Variants in PEBP4 observed in about 807,000 individuals in gnomAD.
The protein encoded by PEBP4 is phosphatidylethanolamine binding protein 4.
PEBP4 carries 22 observed loss-of-function variants against 23.9 expected under a neutral mutation model. The ratio of observed to expected loss-of-function variants is 0.92; its 90% CI spans 0.66 to 1.31. The LOEUF is 1.31. Ranked by LOEUF, PEBP4 falls within the 40% of genes most tolerant of loss-of-function variation. The pLI is 0.00. For synonymous variants in PEBP4, 112 were observed against 99.3 expected, an observed-to-expected ratio of 1.13 and a Z score of -0.76; for missense variants, 324 against 281.7, an observed-to-expected ratio of 1.15 and a Z score of -1.07.
chr8:22,878,940 TA>T (rs34052200), intron 3 of PEBP4, among the ~76,000 whole-genome samples: 1 of 152,310 alleles, frequency 6.6e-6, no homozygotes, highest in South Asian at 2.1e-4. Flanking sequence ...GGGGATGAGC[TA>T]AAAATTATAG....
At chr8:22,855,249 C>T (rs796548221) in intron 3 of PEBP4, among the ~76,000 whole-genome samples, 60 of 152,226 alleles carry the variant, frequency 3.9e-4, no homozygotes, top group African/African-American at 1.3e-3. Context: ...GTGAATGTGT[C>T]GGTGCACGGG....
intron 4 of PEBP4, among the ~76,000 whole-genome samples, chr8:22,778,605 G>A (rs989804338): frequency 6.6e-6 from 1 of 152,152 alleles, no homozygotes; most frequent in Admixed American, 6.5e-5. Flanking sequence ...TCCCTCGCCT[G>A]TGATCCGGGG....
intron 4 of PEBP4, among the ~76,000 whole-genome samples, chr8:22,732,610 C>G (rs1804761986): frequency 6.6e-6 from 1 of 150,470 alleles, no homozygotes; most frequent in Non-Finnish European, 1.5e-5. Context: ...GTAGTCACTC[C>G]TTTTTCCTAG....
chr8:22,725,479 G>C (rs1424186924), intron 5 of PEBP4, among the ~76,000 whole-genome samples: 1 of 152,044 alleles, frequency 6.6e-6, no homozygotes, highest in East Asian at 1.9e-4. Context: ...CATGGGAGCT[G>C]TAGGAGCTGG....
chr8:22,854,973 A>C (rs1807611220), intron 3 of PEBP4, among the ~76,000 whole-genome samples: 1 of 140,220 alleles, frequency 7.1e-6, no homozygotes. Context: ...AGCTTGTCCA[A>C]ATGAGTGTGT....
intron 4 of PEBP4, among the ~76,000 whole-genome samples, chr8:22,735,157 G>T (rs574334504): frequency 2.1e-4 from 32 of 152,310 alleles, no homozygotes; most frequent in Admixed American, 1.1e-3. Flanking sequence ...TAAGACACAG[G>T]TCATGGTATA....
intron 4 of PEBP4, among the ~76,000 whole-genome samples, chr8:22,807,992 C>T (rs1346266000): frequency 1.3e-5 from 2 of 152,022 alleles, no homozygotes; most frequent in Admixed American, 1.3e-4. Context: ...TAACCAATGT[C>T]TATCCATTCA....
chr8:22,750,201 A>G (rs1258983922), intron 4 of PEBP4, among the ~76,000 whole-genome samples: 1 of 151,912 alleles, frequency 6.6e-6, no homozygotes, highest in Non-Finnish European at 1.5e-5. Flanking sequence ...TCGCGGGTTC[A>G]AGCAATTCTC....
Position 22,865,422 on chromosome 8 carries a change from C to A in PEBP4, c.259-47687G>T, listed in dbSNP as rs1807870048. Among the ~76,000 whole-genome samples the A allele has an allele frequency of 6.6e-6, 1 of 151,916 alleles. No individual in the cohort carries two copies. ...CGGGCCTGGCTGCGCGCTCCACCTG[C>A]GCCTCCAGGGCGTTGGGCGGGGGCC... On this transcript the variant is annotated intron_variant, in intron 3 of 6. Coordinates refer to ENST00000256404, the MANE Select transcript of PEBP4 (RefSeq NM_144962.3). This position sits in a 1 kb window ranked among gnomAD's most constrained non-coding sequence, Gnocchi z 6.9.
chr8:22,904,275 T>A (rs1291366264), intron 3 of PEBP4, among the ~76,000 whole-genome samples: 1 of 152,140 alleles, frequency 6.6e-6, no homozygotes, highest in Non-Finnish European at 1.5e-5. Context: ...GGAGCCAGGA[T>A]AAGGCTGAGG....
chr8:22,786,132 A>G (rs758906997), intron 4 of PEBP4, among the ~76,000 whole-genome samples: 1 of 152,204 alleles, frequency 6.6e-6, no homozygotes, highest in African/African-American at 2.4e-5. Flanking sequence ...GTCTCCCAGC[A>G]ATAGAAACAC....
intron 4 of PEBP4, among the ~76,000 whole-genome samples, chr8:22,788,449 G>C (rs1806072046): frequency 6.6e-6 from 1 of 152,222 alleles, no homozygotes; most frequent in Non-Finnish European, 1.5e-5. Context: ...GAAGCCCTGA[G>C]TTATGGCAGT....
intron 4 of PEBP4, among the ~76,000 whole-genome samples, chr8:22,763,976 G>A (rs1805561211): frequency 6.6e-6 from 1 of 152,222 alleles, no homozygotes. Flanking sequence ...AGAAGGACGT[G>A]TAATTTGTCT....
chr8:22,802,983 A>G (rs939997648), intron 4 of PEBP4, among the ~76,000 whole-genome samples: 2 of 152,152 alleles, frequency 1.3e-5, no homozygotes, highest in East Asian at 3.9e-4. Flanking sequence ...CCCAGCATAC[A>G]TGTCTTCCCC....
At chr8:22,725,238 TG>T (rs1244835952) in intron 5 of PEBP4, among the ~76,000 whole-genome samples, 1 of 152,212 alleles carries the variant, frequency 6.6e-6, no homozygotes, top group African/African-American at 2.4e-5. Flanking sequence ...CAGGCCTTTA[TG>T]GGCCAGTGGG....
chr8:22,751,658 TG>T (rs1805269772), intron 4 of PEBP4, among the ~76,000 whole-genome samples: 1 of 118,464 alleles, frequency 8.4e-6, no homozygotes, highest in East Asian at 2.7e-4. Context: ...GTGTGTGTGT[TG>T]TGCGTCTATA....
chr8:22,825,809 G>A (rs1806955287), intron 3 of PEBP4, among the ~76,000 whole-genome samples: 1 of 152,162 alleles, frequency 6.6e-6, no homozygotes, highest in Non-Finnish European at 1.5e-5. Flanking sequence ...ACAGATGAAT[G>A]GATAAAGAAA....
intron 4 of PEBP4, among the ~76,000 whole-genome samples, chr8:22,741,807 G>A (rs1415394713): frequency 6.6e-6 from 1 of 152,234 alleles, no homozygotes; most frequent in Non-Finnish European, 1.5e-5. Context: ...TTGGCTTCCA[G>A]TCCCCATGGG....
At chr8:22,809,530 G>A (rs1806573435) in intron 4 of PEBP4, among the ~76,000 whole-genome samples, 1 of 152,260 alleles carries the variant, frequency 6.6e-6, no homozygotes, top group Non-Finnish European at 1.5e-5. Flanking sequence ...CTCATGAGTA[G>A]GCACGTAGGT....
Sources: gnomAD v4.1 joint callset for allele counts (sites outside exome capture counted in the v4.1 genomes callset) on GRCh38, gnomAD v4.1.1 for gene constraint, Gnocchi (gnomAD v3.1) non-coding constraint, MANE v1.5 for transcripts, NCBI Gene and HGNC (gene_info 2026-07-23, HGNC 2026-07-21) for gene names.